Variants in HEMK2 observed in about 807,000 individuals in gnomAD.
HEMK2 encodes HemK methyltransferase 2, ETF1 glutamine and histone H4 lysine, also known as methyltransferase HEMK2.
chr21:28,760,331 A>G, the HEMK2 span, among the ~76,000 whole-genome samples: 4 of 152,194 alleles, frequency 2.6e-5, no homozygotes, highest in Non-Finnish European at 5.9e-5. Flanking sequence ...GATTCAACAA[A>G]CTTTTTCCAT....
At chr21:28,737,061 T>C in the HEMK2 span, among the ~76,000 whole-genome samples, 121 of 152,126 alleles carry the variant, frequency 8.0e-4, no homozygotes, top group African/African-American at 2.7e-3. Context: ...ACAAAATGAT[T>C]GGGGTTGAGG....
the HEMK2 span, among the ~76,000 whole-genome samples, chr21:28,638,481 T>C: frequency 3.3e-5 from 5 of 152,320 alleles, 1 homozygote; most frequent in African/African-American, 1.2e-4. Context: ...GTCTTACTTA[T>C]AGCATGTGGT....
chr21:28,682,272 A>C, the HEMK2 span, among the ~76,000 whole-genome samples: 1 of 152,248 alleles, frequency 6.6e-6, no homozygotes, highest in African/African-American at 2.4e-5. Context: ...AAAAGAAGAC[A>C]TTTGTGCAGC....
chr21:28,583,007 T>C, the HEMK2 span, among the ~76,000 whole-genome samples: 11 of 152,278 alleles, frequency 7.2e-5, no homozygotes, highest in East Asian at 1.9e-3. Context: ...TAAAGAAATG[T>C]GGTACTATCA....
chr21:28,665,893 T>C, the HEMK2 span, among the ~76,000 whole-genome samples: 1 of 152,162 alleles, frequency 6.6e-6, no homozygotes, highest in Non-Finnish European at 1.5e-5. Context: ...AAGTTGCATT[T>C]ATATATTTGG....
At chr21:28,842,358 T>C in the HEMK2 span, among the ~76,000 whole-genome samples, 1 of 152,204 alleles carries the variant, frequency 6.6e-6, no homozygotes, top group African/African-American at 2.4e-5. Context: ...TTATTTTTCC[T>C]TAAACATTTA....
At chr21:28,837,243 A>G in the HEMK2 span, among the ~76,000 whole-genome samples, 5 of 152,248 alleles carry the variant, frequency 3.3e-5, no homozygotes, top group African/African-American at 7.2e-5. Context: ...CAGAATACAC[A>G]TTCTATTCAA....
the HEMK2 span, among the ~76,000 whole-genome samples, chr21:28,690,046 A>C: frequency 2.0e-5 from 3 of 152,134 alleles, no homozygotes; most frequent in South Asian, 6.2e-4. Flanking sequence ...GGCAAAGGAG[A>C]AGCAAAGGCA....
chr21:28,781,853 T>C, the HEMK2 span, among the ~76,000 whole-genome samples: 1 of 152,232 alleles, frequency 6.6e-6, no homozygotes, highest in Non-Finnish European at 1.5e-5. Flanking sequence ...ATGGAATTAT[T>C]TGCATAGATT....
At chr21:28,608,119 G>A in the HEMK2 span, among the ~76,000 whole-genome samples, 1 of 152,088 alleles carries the variant, frequency 6.6e-6, no homozygotes, top group Non-Finnish European at 1.5e-5. Context: ...TGAAAATAAG[G>A]CAGAATGTTG....
At chr21:28,697,685 T>C in the HEMK2 span, among the ~76,000 whole-genome samples, 1 of 148,074 alleles carries the variant, frequency 6.8e-6, no homozygotes, top group East Asian at 2.1e-4. Flanking sequence ...TTAGCTCCCC[T>C]TCACTTTCAC....
At chr21:28,656,697 C>G in the HEMK2 span, among the ~76,000 whole-genome samples, 29,398 of 152,026 alleles carry the variant, frequency 0.19, 3,076 homozygotes, top group East Asian at 0.38. Flanking sequence ...ACATACTAAT[C>G]ATCTGCCTCA....
the HEMK2 span, among the ~76,000 whole-genome samples, chr21:28,801,892 G>T: frequency 3.9e-4 from 59 of 152,298 alleles, no homozygotes; most frequent in African/African-American, 1.4e-3. Context: ...AACTCACTAT[G>T]TGGTGAGCTG....
chr21:28,849,283 G>A, the HEMK2 span, among the ~76,000 whole-genome samples: 5 of 151,996 alleles, frequency 3.3e-5, no homozygotes, highest in African/African-American at 4.8e-5. Flanking sequence ...AAAAAACCCA[G>A]TCAGCTGAAC....
chr21:28,882,274 C>A, the HEMK2 span: 1 of 1,563,122 alleles, frequency 6.4e-7, no homozygotes, highest in Non-Finnish European at 8.8e-7. Flanking sequence ...TGGAAGGAAA[C>A]TATATCCTAT....
chr21:28,864,482 G>T, the HEMK2 span, among the ~76,000 whole-genome samples: 1 of 152,156 alleles, frequency 6.6e-6, no homozygotes, highest in African/African-American at 2.4e-5. Context: ...GTCCCATGAA[G>T]ACTGTCCTTT....
chr21:28,801,558 A>T, the HEMK2 span, among the ~76,000 whole-genome samples: 3 of 152,144 alleles, frequency 2.0e-5, no homozygotes, highest in Non-Finnish European at 4.4e-5. Flanking sequence ...GCCAATCAAT[A>T]GGAAAATTTG....
At chr21:28,756,589 T>C in the HEMK2 span, among the ~76,000 whole-genome samples, 2 of 152,228 alleles carry the variant, frequency 1.3e-5, no homozygotes, top group Non-Finnish European at 2.9e-5. Flanking sequence ...GAGATAGATA[T>C]CACTTATCAC....
At chr21:28,810,201 C>T in the HEMK2 span, among the ~76,000 whole-genome samples, 2 of 151,972 alleles carry the variant, frequency 1.3e-5, no homozygotes, top group Non-Finnish European at 1.5e-5. Context: ...CAATAGGACA[C>T]AAATTTTTCC....
Sources: gnomAD v4.1 joint callset for allele counts (sites outside exome capture counted in the v4.1 genomes callset) on GRCh38, gnomAD v4.1.1 for gene constraint, MANE v1.5 for transcripts, NCBI Gene and HGNC (gene_info 2026-07-23, HGNC 2026-07-21) for gene names.